TBC1D1: variants seen among roughly 807,000 people sequenced by gnomAD.
TBC1D1 encodes the protein TBC1 domain family member 1, also known as TBC1 (tre-2/USP6, BUB2, cdc16) domain family, member 1.
In TBC1D1, 89 loss-of-function variants were observed where a neutral mutation model predicts 125.6. That is an observed-to-expected ratio of 0.71 (90% CI 0.60 to 0.85). The LOEUF is 0.85. TBC1D1 is among the 40% of genes least tolerant of loss of function. The probability of loss-of-function intolerance (pLI) is 0.00; values close to 1 mark genes in which losing one functional copy is unlikely to be tolerated. For synonymous variants in TBC1D1, 565 were observed against 564.1 expected (o/e 1.00, Z -0.02); for missense variants, 1,377 against 1,469.2 (o/e 0.94, Z 1.03).
intron 15 of TBC1D1, among the ~76,000 whole-genome samples, chr4:38,111,495 TA>T (rs1762194412): frequency 6.6e-6 from 1 of 152,230 alleles, no homozygotes. Context: ...AAAAAATTAT[TA>T]AAAAATGACT....
intron 17 of TBC1D1, among the ~76,000 whole-genome samples, chr4:38,124,597 T>C (rs967463078): frequency 6.6e-6 from 1 of 152,208 alleles, no homozygotes; most frequent in African/African-American, 2.4e-5. Flanking sequence ...TTTCTGATGC[T>C]TTATCTATAA....
chr4:38,035,698 G>C lies in TBC1D1; in HGVS notation c.1413G>C (p.Gln471His). ...ACATCCATATTGGGGAGATGAAGCA[G>C]GTATGGCATTTTTGTCTCTTGTAAT... The change falls in exon 8 of 20, where the codon CAG (glutamine) becomes CAC (histidine). Residue 471 changes from glutamine (Q) to histidine (H), a missense_variant and splice_region_variant. By Grantham distance (24) the Gln-to-His change is conservative. Coordinates refer to ENST00000261439, the MANE Select transcript of TBC1D1 (RefSeq NM_015173.4). The C allele has an allele frequency of 1.2e-6, 2 of 1,604,814 alleles. No individual in the cohort carries two copies. The highest frequency in any genetic ancestry group is 1.7e-6 in the Non-Finnish European group (2 of 1,173,352).
chr4:37,901,721 G>A (rs1156683210), intron 1 of TBC1D1, among the ~76,000 whole-genome samples: 5 of 47,882 alleles, frequency 1.0e-4, no homozygotes, highest in Non-Finnish European at 2.0e-4. Flanking sequence ...GCACTGTATC[G>A]TCTTCTATCA....
At chr4:37,924,193 C>G (rs4832969) in intron 2 of TBC1D1, among the ~76,000 whole-genome samples, 9 of 151,810 alleles carry the variant, frequency 5.9e-5, no homozygotes, top group South Asian at 2.1e-4. Flanking sequence ...TCTCCTCCCC[C>G]ACACCACCCC....
Position 38,138,095 on chromosome 4 carries a change from G to A in TBC1D1, c.*760G>A, listed in dbSNP as rs1433054671. 6.6e-6 allele frequency: 1 copy of A among 152,040 alleles called. No homozygotes were observed. Among genetic ancestry groups the A allele is most frequent in the Non-Finnish European group, 1.5e-5 (1 of 68,010 alleles). The allele number at this position is 152,040 out of a possible 1,614,324, so 9.4% of individuals were successfully genotyped here. A position where few individuals can be genotyped will look rare whatever the true frequency, so the allele number is the denominator to read the frequency against. On this transcript the variant is annotated 3_prime_UTR_variant, in exon 20 of 20. Transcript: ENST00000261439. ...TATCCTGATCACTGTCAAGTGAAAT[G>A]GATCTCTCTCTTTGGTATTTAAGGA...
At chr4:38,079,571 A>G (rs1361788516) in intron 12 of TBC1D1, among the ~76,000 whole-genome samples, 1 of 141,762 alleles carries the variant, frequency 7.1e-6, no homozygotes, top group Non-Finnish European at 1.5e-5. Flanking sequence ...CTTAAAATAC[A>G]AAAAAATTAG....
At chr4:38,112,952 A>G (rs980041202) in intron 15 of TBC1D1, among the ~76,000 whole-genome samples, 7 of 152,152 alleles carry the variant, frequency 4.6e-5, no homozygotes, top group South Asian at 2.1e-4. Flanking sequence ...GAGAAGCTCT[A>G]TGTGGTTCCT....
chr4:37,925,301 C>T (rs1721841299), intron 2 of TBC1D1, among the ~76,000 whole-genome samples: 1 of 152,204 alleles, frequency 6.6e-6, no homozygotes, highest in Non-Finnish European at 1.5e-5. Flanking sequence ...GGGTTTTATT[C>T]TTGCCAAGCC....
intron 12 of TBC1D1, among the ~76,000 whole-genome samples, chr4:38,071,002 ATTGT>A (rs924900306): frequency 1.3e-5 from 2 of 152,176 alleles, no homozygotes. Flanking sequence ...ACTGCAAATG[ATTGT>A]TTGGGGATTT....
intron 11 of TBC1D1, 24 bp from the exon 13 acceptor site, chr4:38,053,082 C>T (rs1436713880): frequency 7.2e-7 from 1 of 1,387,676 alleles, no homozygotes; most frequent in African/African-American, 1.5e-5. Context: ...TTATCCTAAA[C>T]TCTTTTTTCA....
In TBC1D1 at chr4:38,138,691, G is replaced by T. The variant is rs1232878066; in HGVS notation, c.*1356G>T. 1 of 152,666 alleles carries T rather than the reference G, an allele frequency of 6.6e-6. No homozygotes were observed. The highest frequency in any genetic ancestry group is 2.4e-5 in the African/African-American group (1 of 41,454). 9.5% of individuals were successfully genotyped at this position (152,666 alleles called of 1,614,324 possible). Reference sequence around the variant, plus strand: ...AAAGATGGGGTTCTGTGCAGTCACAGGTCACTTCCTTGACAACACAATCAT... The same window carrying T: ...AAAGATGGGGTTCTGTGCAGTCACATGTCACTTCCTTGACAACACAATCAT... On this transcript the variant is annotated 3_prime_UTR_variant, in exon 20 of 20. Coordinates refer to ENST00000261439, the MANE Select transcript of TBC1D1 (RefSeq NM_015173.4).
intron 15 of TBC1D1, among the ~76,000 whole-genome samples, chr4:38,115,299 G>C (rs1160318702): frequency 6.6e-6 from 1 of 151,834 alleles, no homozygotes; most frequent in Non-Finnish European, 1.5e-5. Context: ...ATGGGGTTTC[G>C]CCATGTTGGG....
At chr4:37,983,186 G>A (rs1462658677) in intron 2 of TBC1D1, among the ~76,000 whole-genome samples, 1 of 146,402 alleles carries the variant, frequency 6.8e-6, no homozygotes, top group Non-Finnish European at 1.5e-5. Flanking sequence ...GCAGTGGTGC[G>A]ATCTCGGCTC....
At chr4:38,130,573 G>A (rs559461233) in intron 18 of TBC1D1, among the ~76,000 whole-genome samples, 2 of 152,148 alleles carry the variant, frequency 1.3e-5, no homozygotes, top group Non-Finnish European at 2.9e-5. Flanking sequence ...TAGTGGAATT[G>A]CTCTGAGATG....
At chr4:37,927,390 C>T (rs1323228749) in intron 2 of TBC1D1, among the ~76,000 whole-genome samples, 2 of 152,150 alleles carry the variant, frequency 1.3e-5, no homozygotes, top group East Asian at 3.9e-4. Context: ...CTTGCTAGGA[C>T]TACTAGGTTT....
intron 12 of TBC1D1, among the ~76,000 whole-genome samples, chr4:38,071,396 T>C (rs1234473576): frequency 1.3e-5 from 2 of 152,258 alleles, no homozygotes; most frequent in African/African-American, 4.8e-5. Context: ...ATGGATTTAA[T>C]AAAAAATTTA....
At chr4:38,031,278 G>A (rs1746077867) in intron 7 of TBC1D1, among the ~76,000 whole-genome samples, 1 of 152,120 alleles carries the variant, frequency 6.6e-6, no homozygotes, top group African/African-American at 2.4e-5. Flanking sequence ...GATAAATCAA[G>A]TAGATTTATA....
In TBC1D1 at chr4:38,039,159, C is replaced by G. The variant is rs1314170850; in HGVS notation, c.1413+3461C>G. ...TTGAGACAGAGTCTCACTCTGTCAC[C>G]CAGGCTGGAGTGCAGTGGCGCTATC... On this transcript the variant is annotated intron_variant, in intron 8 of 19. Coordinates refer to ENST00000261439, the MANE Select transcript of TBC1D1 (RefSeq NM_015173.4). Among the ~76,000 whole-genome samples, 10 of 113,052 alleles carry G rather than the reference C, an allele frequency of 8.8e-5. No individual in the cohort carries two copies. The Admixed American group carries it at 1.2e-3, about 13-fold the overall frequency. The allele number at this position is 113,052 out of a possible 152,430, so 74.2% of individuals were successfully genotyped here.
chr4:38,078,455 G>T (rs1222003009), intron 12 of TBC1D1, among the ~76,000 whole-genome samples: 1 of 152,156 alleles, frequency 6.6e-6, no homozygotes, highest in Non-Finnish European at 1.5e-5. Context: ...GAACATTTGT[G>T]TCCCCCCAAA....
Sources: allele counts gnomAD v4.1 joint callset (sites outside exome capture counted in the v4.1 genomes callset), GRCh38; gene constraint gnomAD v4.1.1; transcripts MANE v1.5; gene names NCBI Gene and HGNC (gene_info 2026-07-23, HGNC 2026-07-21).